HIBCH: variants seen among roughly 807,000 people sequenced by gnomAD.
HIBCH encodes 3-hydroxyisobutyryl-CoA hydrolase, also known as 3-hydroxyisobutyryl-CoA hydrolase, mitochondrial.
A neutral mutation model predicts 58.2 loss-of-function variants in HIBCH; 50 were observed. The ratio of observed to expected loss-of-function variants is 0.86; its 90% CI spans 0.68 to 1.09. HIBCH has a LOEUF of 1.09. Among genes scored for constraint, HIBCH ranks in the 50% least tolerant of loss-of-function variants. The probability of loss-of-function intolerance (pLI) is 0.00; values close to 1 mark genes in which losing one functional copy is unlikely to be tolerated. For missense variants in HIBCH, 450 were observed against 449.7 expected (o/e 1.00, Z -0.01); for synonymous variants, 151 against 146.9 (o/e 1.03, Z -0.20).
At chr2:190,289,050 G>A (rs1245001691) in intron 5 of HIBCH, among the ~76,000 whole-genome samples, 1 of 152,180 alleles carries the variant, frequency 6.6e-6, no homozygotes, top group East Asian at 1.9e-4. Context: ...GACAGAGGCT[G>A]CAGTGAGCCA....
chr2:190,275,716 A>G (rs753841700), intron 6 of HIBCH, among the ~76,000 whole-genome samples: 16 of 152,252 alleles, frequency 1.1e-4, no homozygotes, highest in Admixed American at 7.2e-4. Flanking sequence ...AAGGCATGAG[A>G]CAATGTTCAA....
At chr2:190,268,520 CTT>C (rs1197126845) in intron 6 of HIBCH, among the ~76,000 whole-genome samples, 2 of 152,134 alleles carry the variant, frequency 1.3e-5, no homozygotes, top group East Asian at 1.9e-4. Context: ...CAACCTAAGA[CTT>C]TACTTTTTAA....
Position 190,207,186 on chromosome 2 carries a change from A to G in HIBCH, c.1045+1694T>C, listed in dbSNP as rs1690412095. 6.6e-6 allele frequency among the ~76,000 whole-genome samples: 1 copy of G among 152,212 alleles called. No homozygotes were observed. The highest frequency in any genetic ancestry group is 1.5e-5 in the Non-Finnish European group (1 of 68,040). The stretch of plus-strand genomic sequence containing the variant: ...ACTTCCTTTATGAATCAGAACTTTG[A>G]TGCTGATTGGTTTCAACATTTTTTC... On this transcript the variant is annotated intron_variant, in intron 13 of 13. Transcript: ENST00000359678. This position sits in a 1 kb window ranked among gnomAD's most constrained non-coding sequence, Gnocchi z 4.5.
intron 2 of HIBCH, among the ~76,000 whole-genome samples, chr2:190,299,962 T>C (rs1688217995): frequency 6.6e-6 from 1 of 152,188 alleles, no homozygotes; most frequent in Non-Finnish European, 1.5e-5. Context: ...GATGATGGCC[T>C]CCAGGTCCCT....
rs538028798 is a variant in HIBCH at position 190,290,818 on chromosome 2, T to C, written c.305-333A>G. On this transcript the variant is annotated intron_variant, in intron 4 of 13. Transcript: ENST00000359678. ...GGAGGATTCCTTGAGGCCAGGAGTT[T>C]GAGACCAGCCTGGTGAAACTCTGTC... Among the ~76,000 whole-genome samples, 5 of 152,294 alleles carry C rather than the reference T, an allele frequency of 3.3e-5. No individual in the cohort carries two copies. In the East Asian group the frequency reaches 7.7e-4, roughly 24 times the overall value.
chr2:190,302,918 A>G (rs1404815303), intron 2 of HIBCH, among the ~76,000 whole-genome samples: 2 of 152,244 alleles, frequency 1.3e-5, no homozygotes, highest in Admixed American at 6.5e-5. Context: ...GTACATCAAC[A>G]GTGTACTCTA....
rs1575746376 is a variant in HIBCH at position 190,281,127 on chromosome 2, A to G, written c.438+6459T>C. On this transcript the variant is annotated intron_variant, in intron 6 of 13. Coordinates refer to ENST00000359678, the MANE Select transcript of HIBCH (RefSeq NM_014362.4). This position sits in a 1 kb window ranked among gnomAD's most constrained non-coding sequence, Gnocchi z 5.4. ...AATCTCAAGGGCAGCTCTAGCTCTG[A>G]CCTCACAATTCCACTTGGCATTCTC... The G allele has an allele frequency of 1.3e-5, 2 of 152,120 alleles. No individual in the cohort carries two copies. Among genetic ancestry groups the G allele is most frequent in the Non-Finnish European group, 1.5e-5 (1 of 68,136 alleles). 9.4% of individuals were successfully genotyped at this position (152,120 alleles called of 1,614,324 possible).
intron 6 of HIBCH, among the ~76,000 whole-genome samples, chr2:190,285,842 T>C (rs940507535): frequency 1.3e-5 from 2 of 151,926 alleles, no homozygotes; most frequent in African/African-American, 4.8e-5. Flanking sequence ...TGAAAGTATG[T>C]CTTTTTGTTT....
At chr2:190,232,201 A>AT in intron 11 of HIBCH, among the ~76,000 whole-genome samples, 1 of 152,190 alleles carries the variant, frequency 6.6e-6, no homozygotes, top group East Asian at 1.9e-4. Flanking sequence ...TCTCAAAAAA[A>AT]TTTTTTTTAA....
chr2:190,212,586 C>A (rs1219330218), intron 12 of HIBCH, among the ~76,000 whole-genome samples: 1 of 152,130 alleles, frequency 6.6e-6, no homozygotes, highest in African/African-American at 2.4e-5. Context: ...ATATATATAT[C>A]TGCTTATAAA....
intron 6 of HIBCH, among the ~76,000 whole-genome samples, chr2:190,266,437 T>C (rs1169088453): frequency 1.3e-5 from 2 of 151,736 alleles, no homozygotes; most frequent in African/African-American, 4.8e-5. Flanking sequence ...TCATTTTTAC[T>C]TATTTATTTA....
intron 11 of HIBCH, among the ~76,000 whole-genome samples, chr2:190,227,194 G>A (rs1384416396): frequency 1.9e-4 from 29 of 152,212 alleles, no homozygotes; most frequent in African/African-American, 7.0e-4. Flanking sequence ...CAAGGCTACA[G>A]TAACCCAAAC....
intron 1 of HIBCH, among the ~76,000 whole-genome samples, chr2:190,314,404 T>A (rs1242128727): frequency 6.8e-6 from 1 of 147,304 alleles, no homozygotes; most frequent in Non-Finnish European, 1.5e-5. Flanking sequence ...TATATATACG[T>A]ATATATGTGT....
At chr2:190,220,160 G>C (rs1013575265) in intron 11 of HIBCH, 3 of 152,176 alleles carry the variant, frequency 2.0e-5, no homozygotes, top group Admixed American at 6.5e-5. Context: ...ATCTATGATC[G>C]TGACTTCAAC....
At chr2:190,193,786 C>T (rs966052099) in intron 1 of HIBCH, among the ~76,000 whole-genome samples, 2 of 152,040 alleles carry the variant, frequency 1.3e-5, no homozygotes, top group East Asian at 1.9e-4. Flanking sequence ...TTGTCTCTAT[C>T]GTATGCTTCA....
intron 9 of HIBCH, among the ~76,000 whole-genome samples, chr2:190,248,105 T>C (rs899030667): frequency 5.9e-5 from 9 of 152,224 alleles, no homozygotes; most frequent in South Asian, 2.1e-4. Flanking sequence ...TTAACAGTTA[T>C]AGATTGGTAT....
intron 6 of HIBCH, among the ~76,000 whole-genome samples, chr2:190,265,874 T>C (rs180913131): frequency 4.5e-4 from 69 of 152,350 alleles, no homozygotes; most frequent in Non-Finnish European, 8.7e-4. Context: ...TCCGTATTTG[T>C]AACATACTTT....
At chr2:190,195,231 G>T (rs1331411394) in intron 1 of HIBCH, among the ~76,000 whole-genome samples, 1 of 152,140 alleles carries the variant, frequency 6.6e-6, no homozygotes, top group East Asian at 1.9e-4. Context: ...CACCAAGAAG[G>T]ACATCTTGCT....
chr2:190,282,501 G>A lies in HIBCH; in HGVS notation c.438+5085C>T, dbSNP rs115693937. Among the ~76,000 whole-genome samples, 1,044 of 152,218 alleles carry A rather than the reference G, an allele frequency of 6.9e-3. 5 individuals are homozygous for A. Among genetic ancestry groups the A allele is most frequent in the Non-Finnish European group, 0.011 (781 of 68,016 alleles). ...TCGCAGAAACTAACCATTCCCATAA[G>A]AACTAACCCAGTCTTGCAAGAAAGA... On this transcript the variant is annotated intron_variant, in intron 6 of 13. Coordinates refer to ENST00000359678, the MANE Select transcript of HIBCH (RefSeq NM_014362.4).
Sources: gnomAD v4.1 joint callset for allele counts (sites outside exome capture counted in the v4.1 genomes callset) on GRCh38, gnomAD v4.1.1 for gene constraint, Gnocchi (gnomAD v3.1) non-coding constraint, MANE v1.5 for transcripts, NCBI Gene and HGNC (gene_info 2026-07-23, HGNC 2026-07-21) for gene names.